Variants in KIF5C observed in about 807,000 individuals in gnomAD.
The protein encoded by KIF5C is kinesin heavy chain isoform 5C.
KIF5C carries 18 observed loss-of-function variants against 125.2 expected under a neutral mutation model. The ratio of observed to expected loss-of-function variants is 0.14; its 90% CI spans 0.10 to 0.21. KIF5C has a LOEUF of 0.21. Among genes scored for constraint, KIF5C ranks in the 10% least tolerant of loss-of-function variants. The pLI is 1.00. For synonymous variants in KIF5C, 405 were observed against 434.0 expected (o/e 0.93, Z 0.83); for missense variants, 780 against 1,183.8 (o/e 0.66, Z 5.01).
chr2:148,915,984 G>C (rs1681532682), intron 1 of KIF5C, among the ~76,000 whole-genome samples: 1 of 152,198 alleles, frequency 6.6e-6, no homozygotes, highest in Admixed American at 6.5e-5. Context: ...AGAACTGCTG[G>C]GGTTGGTACC....
Position 148,981,343 on chromosome 2 carries a change from T to C in KIF5C, c.1363-12T>C, listed in dbSNP as rs767075587. 30 of 1,600,990 alleles carry C rather than the reference T, an allele frequency of 1.9e-5. No individual in the cohort carries two copies. The highest frequency in any genetic ancestry group is 8.5e-7 in the Non-Finnish European group (1 of 1,174,120). Reference sequence around the variant, plus strand: ...TTAGATTCACAAGTTCCATGCCATCTCATTTCCCCAGCTTTTAGCTTCCAC... The same window carrying C: ...TTAGATTCACAAGTTCCATGCCATCCCATTTCCCCAGCTTTTAGCTTCCAC... On this transcript the variant is annotated splice_polypyrimidine_tract_variant and intron_variant, in intron 13 of 25. Transcript: ENST00000435030.
At chr2:148,949,796 C>G (rs1309311677) in intron 8 of KIF5C, 43 bp from the exon 9 acceptor site, 7 of 1,595,442 alleles carry the variant, frequency 4.4e-6, no homozygotes, top group Non-Finnish European at 6.0e-6. Context: ...CTTTGTGCTT[C>G]TGCCGTCCTG....
chr2:148,928,200 C>T (rs1233876436), intron 2 of KIF5C, among the ~76,000 whole-genome samples: 1 of 152,142 alleles, frequency 6.6e-6, no homozygotes, highest in Non-Finnish European at 1.5e-5. Flanking sequence ...AGAGAACCCC[C>T]TCTACCATGC....
intron 21 of KIF5C, among the ~76,000 whole-genome samples, chr2:149,001,713 C>T (rs1019673245): frequency 2.0e-5 from 3 of 152,240 alleles, no homozygotes; most frequent in Non-Finnish European, 4.4e-5. Context: ...TTAAGACAGA[C>T]CATTCTAACA....
At chr2:148,895,415 G>A (rs773409700) in intron 1 of KIF5C, among the ~76,000 whole-genome samples, 8 of 152,098 alleles carry the variant, frequency 5.3e-5, no homozygotes, top group African/African-American at 9.7e-5. Context: ...TGGGATTACA[G>A]GTGTGAGCCA....
At position 148,981,553 on chromosome 2, in the gene KIF5C, C is replaced by G; in HGVS notation, c.1561C>G (p.Gln521Glu). Residue 521 changes from glutamine to glutamate, a missense_variant, in exon 14 of 26, where the codon CAG becomes GAG. Physicochemically the swap from Gln to Glu is conservative, Grantham distance 29 (BLOSUM62 2). Around this residue, in one of 2 missense-constraint regions of KIF5C, gnomAD observed 573 missense variants for 742.6 expected, o/e 0.77. Coordinates refer to ENST00000435030, the MANE Select transcript of KIF5C (RefSeq NM_004522.3). ...TGAGCAGCTGACAGACGAGCTGGCC[C>G]AGAAAACGGTTGGAGCATTTGTGTC... is the stretch of plus-strand genomic sequence containing the variant. The part of the protein sequence containing the change: ...ANEQLTDELA[Q>E]KTTTLTTTQR... The G allele has an allele frequency of 1.3e-6, 2 of 1,594,334 alleles. No homozygotes were observed. The highest frequency in any genetic ancestry group is 1.7e-6 in the Non-Finnish European group (2 of 1,170,722).
intron 10 of KIF5C, among the ~76,000 whole-genome samples, chr2:148,959,228 G>T (rs1682869354): frequency 6.6e-6 from 1 of 152,060 alleles, no homozygotes; most frequent in Admixed American, 6.5e-5. Context: ...TCATCTGAGT[G>T]CCTGTTTCTG....
chr2:148,966,855 T>A (rs1680733390), intron 11 of KIF5C, among the ~76,000 whole-genome samples: 1 of 152,108 alleles, frequency 6.6e-6, no homozygotes, highest in South Asian at 2.1e-4. Flanking sequence ...TATAATGAGA[T>A]GCCATCTGCA....
At chr2:148,969,128 C>T (rs1680825953) in intron 11 of KIF5C, among the ~76,000 whole-genome samples, 1 of 151,822 alleles carries the variant, frequency 6.6e-6, no homozygotes, top group Admixed American at 6.6e-5. Context: ...TAATGGTTTT[C>T]TTTCTTTAAA....
At chr2:148,997,459 G>C (rs779119973) in intron 18 of KIF5C, 119 bp downstream of exon 18, 1 of 1,532,686 alleles carries the variant, frequency 6.5e-7, no homozygotes, top group Non-Finnish European at 8.8e-7. Flanking sequence ...GACAGGGGAG[G>C]GGCTGTTGTT....
At position 148,902,396 on chromosome 2, in the gene KIF5C, A is replaced by C. The variant is rs1334744947; in HGVS notation, c.127-19741A>C. On this transcript the variant is annotated intron_variant, in intron 1 of 25. Transcript: ENST00000435030. ...CAGTGGTGCGATCTTGACTCACTGC[A>C]ATCTCTGCCTCCCAGGTTCAAGTGA... is the stretch of plus-strand genomic sequence containing the variant. 7.2e-5 allele frequency among the ~76,000 whole-genome samples: 11 copies of C among 152,168 alleles called. No individual in the cohort carries two copies. In the East Asian group the frequency reaches 2.1e-3, roughly 29 times the overall value.
intron 1 of KIF5C, among the ~76,000 whole-genome samples, chr2:148,898,626 C>A (rs896503366): frequency 1.3e-5 from 2 of 152,146 alleles, no homozygotes; most frequent in Non-Finnish European, 2.9e-5. Context: ...ACAGAGGGGT[C>A]ATGCGAGCCA....
At chr2:148,990,239 C>A (rs1681488975) in intron 15 of KIF5C, among the ~76,000 whole-genome samples, 1 of 152,204 alleles carries the variant, frequency 6.6e-6, no homozygotes, top group Admixed American at 6.5e-5. Context: ...AACTTAGAAA[C>A]TAAATATAGA....
chr2:149,010,566 A>G lies in KIF5C; in HGVS notation c.2767+215A>G, dbSNP rs370430120. On this transcript the variant is annotated intron_variant, in intron 24 of 25. Coordinates refer to ENST00000435030, the MANE Select transcript of KIF5C (RefSeq NM_004522.3). ...TTATCCTACTCTGAGATATTCCAGC[A>G]TACATCGTGGTCTCAAAACTTCTGA... Among the ~76,000 whole-genome samples, 7 of 152,378 alleles carry G rather than the reference A, an allele frequency of 4.6e-5. No homozygotes were observed. In the East Asian group the frequency reaches 7.7e-4, roughly 17 times the overall value.
intron 11 of KIF5C, among the ~76,000 whole-genome samples, chr2:148,963,537 C>T (rs1682978514): frequency 6.6e-6 from 1 of 152,164 alleles, no homozygotes; most frequent in East Asian, 1.9e-4. Context: ...GATTTTCTAG[C>T]AGCACACGTG....
intron 16 of KIF5C, among the ~76,000 whole-genome samples, chr2:148,991,677 CT>C (rs1252516693): frequency 6.6e-6 from 1 of 152,060 alleles, no homozygotes; most frequent in Non-Finnish European, 1.5e-5. Flanking sequence ...GAAAAAAATC[CT>C]GGTAGGCAGG....
At chr2:148,934,101 TACAG>T (rs1682235254) in intron 3 of KIF5C, among the ~76,000 whole-genome samples, 3 of 146,772 alleles carry the variant, frequency 2.0e-5, no homozygotes, top group African/African-American at 7.7e-5. Context: ...ATCACACACA[TACAG>T]ACACACCACA....
chr2:148,961,893 G>A, intron 10 of KIF5C, 78 bp from the exon 11 acceptor site: 1 of 1,516,786 alleles, frequency 6.6e-7, no homozygotes, highest in Non-Finnish European at 8.8e-7. Flanking sequence ...TTTGACATGA[G>A]GAATCTTGGG....
chr2:148,995,885 G>A (rs758551366), intron 17 of KIF5C, among the ~76,000 whole-genome samples: 3 of 152,174 alleles, frequency 2.0e-5, no homozygotes, highest in African/African-American at 4.8e-5. Flanking sequence ...AGCTGGGCAC[G>A]GTGGCTCACG....
Sources: allele counts gnomAD v4.1 joint callset (sites outside exome capture counted in the v4.1 genomes callset), GRCh38; gene constraint gnomAD v4.1.1; regional missense constraint gnomAD v4.1.1; transcripts MANE v1.5; gene names NCBI Gene and HGNC (gene_info 2026-07-23, HGNC 2026-07-21).